Variants in LMO7 observed in about 807,000 individuals in gnomAD.
LMO7 encodes the protein LIM domain only protein 7.
LMO7 carries 120 observed loss-of-function variants against 206.5 expected under a neutral mutation model. The ratio of observed to expected loss-of-function variants is 0.58; its 90% CI spans 0.50 to 0.68. LMO7 has a LOEUF of 0.68. Ranked by LOEUF, LMO7 falls within the 30% of genes least tolerant of loss-of-function variation. The probability of loss-of-function intolerance (pLI) is 0.00; values close to 1 mark genes in which losing one functional copy is unlikely to be tolerated. For missense variants in LMO7, 1,959 were observed against 1,957.9 expected (o/e 1.00, Z -0.01); for synonymous variants, 706 against 681.5 (o/e 1.04, Z -0.56).
intron 4 of LMO7, among the ~76,000 whole-genome samples, chr13:75,761,399 A>T (rs897298368): frequency 3.9e-5 from 6 of 152,146 alleles, no homozygotes; most frequent in Non-Finnish European, 7.4e-5. Context: ...CAATCTTTAA[A>T]TTTTTTTATA....
chr13:75,847,919 C>T (rs2060122780), intron 26 of LMO7, among the ~76,000 whole-genome samples: 1 of 152,134 alleles, frequency 6.6e-6, no homozygotes, highest in South Asian at 2.1e-4. Context: ...GTGCACAATG[C>T]CACATTTTAA....
chr13:75,744,015 A>G (rs1476804338), intron 3 of LMO7, among the ~76,000 whole-genome samples: 1 of 152,230 alleles, frequency 6.6e-6, no homozygotes, highest in African/African-American at 2.4e-5. Context: ...AAGATTGTGC[A>G]TTGCTGTCTT....
Position 75,804,298 on chromosome 13 carries a change from GT to G in LMO7, c.672del (p.Ser224ArgfsTer53). Reference sequence around the variant, plus strand: ...TGTGCCTTCTTTATAGGTTTTGAAAGTGACACAGATTCGGAATTTACATTTA... The same window carrying G: ...TGTGCCTTCTTTATAGGTTTTGAAAGGACACAGATTCGGAATTTACATTTA... The part of the protein sequence containing the change: ...TLRGGREGFE[S>X]DTDSEFTFKM... On this transcript the variant is annotated frameshift_variant, in exon 8 of 31. Coordinates refer to ENST00000377534, the MANE Select transcript of LMO7 (RefSeq NM_001306080.2). LOFTEE classifies it high-confidence loss of function. The G allele has an allele frequency of 6.2e-7, 1 of 1,612,570 alleles. No homozygotes were observed. The highest frequency in any genetic ancestry group is 8.5e-7 in the Non-Finnish European group (1 of 1,178,792).
chr13:75,657,509 A>G (rs1461913293), intron 1 of LMO7, among the ~76,000 whole-genome samples: 4 of 152,116 alleles, frequency 2.6e-5, no homozygotes, highest in Admixed American at 6.5e-5. Flanking sequence ...CTCCTGAACT[A>G]CTTTGAACAA....
intron 11 of LMO7, among the ~76,000 whole-genome samples, chr13:75,816,312 G>C (rs2056984170): frequency 6.6e-6 from 1 of 152,196 alleles, no homozygotes; most frequent in South Asian, 2.1e-4. Flanking sequence ...AGCTTCAAAG[G>C]CTCTTGCTCT....
At chr13:75,639,661 G>T (rs1202453423) in intron 1 of LMO7, among the ~76,000 whole-genome samples, 1 of 152,202 alleles carries the variant, frequency 6.6e-6, no homozygotes, top group Non-Finnish European at 1.5e-5. Flanking sequence ...TCTGTTGTGG[G>T]TCATCCGAAA....
intron 3 of LMO7, among the ~76,000 whole-genome samples, chr13:75,744,713 C>T (rs1279628576): frequency 6.6e-6 from 1 of 152,196 alleles, no homozygotes; most frequent in East Asian, 1.9e-4. Flanking sequence ...ATTTATTGAA[C>T]ATCTACTATG....
chr13:75,685,735 G>C lies in LMO7; in HGVS notation c.70-27447G>C, dbSNP rs1485148313. 2.6e-5 allele frequency among the ~76,000 whole-genome samples: 4 copies of C among 151,796 alleles called. No individual in the cohort carries two copies. In the South Asian group the frequency reaches 8.3e-4, roughly 32 times the overall value. On this transcript the variant is annotated intron_variant, in intron 1 of 30. Transcript: ENST00000377534. ...AAAATTTGAAGAGTAAGAGAAGGTGGGAAAAGCCTGGACATATGAGATATA... is the reference window on the plus strand; with the variant it reads ...AAAATTTGAAGAGTAAGAGAAGGTGCGAAAAGCCTGGACATATGAGATATA...
intron 3 of LMO7, among the ~76,000 whole-genome samples, chr13:75,728,087 T>C (rs1433237831): frequency 1.3e-5 from 2 of 152,052 alleles, no homozygotes; most frequent in South Asian, 2.1e-4. Context: ...AATAAACACA[T>C]GTGCATGTGT....
chr13:75,760,934 T>C lies in LMO7; in HGVS notation c.213T>C (p.Asp71=). The change falls in exon 4 of 31, where the codon GAT becomes GAC. Residue 71 remains aspartate (D), a splice_region_variant and synonymous_variant. Transcript: ENST00000377534. ...TCACTTTCCACTTCTTTTCACAGGA[T>C]AATATAAACGTTTTCTTGAAAGCTT... ...NRLSTPIAGL[D]NINVFLKACE... 1.9e-6 allele frequency: 3 copies of C among 1,613,340 alleles called. No individual in the cohort carries two copies. The highest frequency in any genetic ancestry group is 2.5e-6 in the Non-Finnish European group (3 of 1,179,656).
At chr13:75,743,124 G>A (rs773335022) in intron 3 of LMO7, among the ~76,000 whole-genome samples, 5 of 152,064 alleles carry the variant, frequency 3.3e-5, no homozygotes, top group African/African-American at 7.2e-5. Context: ...AAAAAAGCTC[G>A]ACATCACTAA....
intron 1 of LMO7, among the ~76,000 whole-genome samples, chr13:75,639,571 A>G (rs1054384491): frequency 9.2e-5 from 14 of 151,792 alleles, no homozygotes; most frequent in Non-Finnish European, 1.5e-4. Flanking sequence ...GAAGTGGTGG[A>G]AAATACAGCC....
At chr13:75,741,095 T>G (rs547047695) in intron 3 of LMO7, among the ~76,000 whole-genome samples, 2 of 152,322 alleles carry the variant, frequency 1.3e-5, no homozygotes, top group East Asian at 3.9e-4. Context: ...ATCAATAAAT[T>G]TGATTAAAAC....
chr13:75,667,374 G>A (rs957370253), intron 1 of LMO7, among the ~76,000 whole-genome samples: 4 of 151,820 alleles, frequency 2.6e-5, no homozygotes, highest in African/African-American at 9.7e-5. Flanking sequence ...CTCTTTTTCT[G>A]GGTCACCAAT....
At chr13:75,769,292 T>G (rs1247886339) in intron 4 of LMO7, among the ~76,000 whole-genome samples, 1 of 151,970 alleles carries the variant, frequency 6.6e-6, no homozygotes, top group Non-Finnish European at 1.5e-5. Context: ...TGGCATTGGT[T>G]GTTGGTGGAT....
chr13:75,658,608 G>A (rs1469613828), intron 1 of LMO7, among the ~76,000 whole-genome samples: 4 of 152,054 alleles, frequency 2.6e-5, no homozygotes, highest in Non-Finnish European at 5.9e-5. Flanking sequence ...TTTTGAGATG[G>A]AATCTCGCTC....
chr13:75,851,817 C>T (rs1263308171), intron 27 of LMO7, among the ~76,000 whole-genome samples: 1 of 152,088 alleles, frequency 6.6e-6, no homozygotes, highest in Non-Finnish European at 1.5e-5. Flanking sequence ...GGACATTAAA[C>T]AGTTGCTAAA....
intron 11 of LMO7, among the ~76,000 whole-genome samples, chr13:75,811,014 A>G (rs960172965): frequency 7.9e-5 from 12 of 152,214 alleles, no homozygotes; most frequent in Admixed American, 2.0e-4. Context: ...ATAAAGCAAG[A>G]TTGTCTGTAA....
chr13:75,835,195 A>AACCCTC (rs761972955), intron 17 of LMO7, 38 bp from the exon 18 acceptor site: 2 of 1,609,858 alleles, frequency 1.2e-6, no homozygotes, highest in Non-Finnish European at 1.7e-6. Context: ...TACGGCATAA[A>AACCCTC]ACCCTCAATC....
Sources: gnomAD v4.1 joint callset for allele counts (sites outside exome capture counted in the v4.1 genomes callset) on GRCh38, gnomAD v4.1.1 for gene constraint, MANE v1.5 for transcripts, NCBI Gene and HGNC (gene_info 2026-07-23, HGNC 2026-07-21) for gene names.